Variants in FHIT observed in about 807,000 individuals in gnomAD.
FHIT encodes the protein fragile histidine triad diadenosine triphosphatase.
A neutral mutation model predicts 17.9 loss-of-function variants in FHIT; 19 were observed. The observed-to-expected ratio is 1.06, with a 90% CI of 0.74 to 1.56. The LOEUF is 1.56. FHIT is among the 40% of genes most tolerant of loss of function. The probability of loss-of-function intolerance (pLI) is 0.00; values close to 1 mark genes in which losing one functional copy is unlikely to be tolerated. For synonymous variants in FHIT, 81 were observed against 69.7 expected (o/e 1.16, Z -0.81); for missense variants, 248 against 189.2 (o/e 1.31, Z -1.82).
At chr3:60,719,436 G>A (rs745930546) in intron 4 of FHIT, among the ~76,000 whole-genome samples, 3 of 152,136 alleles carry the variant, frequency 2.0e-5, no homozygotes, top group East Asian at 1.9e-4. Flanking sequence ...TTAGCCTGCT[G>A]TATAACTCTC....
intron 8 of FHIT, among the ~76,000 whole-genome samples, chr3:59,792,315 A>G (rs1449417952): frequency 1.3e-5 from 2 of 152,196 alleles, no homozygotes; most frequent in Non-Finnish European, 2.9e-5. Flanking sequence ...AGATGATGCA[A>G]AATTTTGATT....
intron 5 of FHIT, among the ~76,000 whole-genome samples, chr3:60,312,598 G>T (rs1708996104): frequency 6.6e-6 from 1 of 152,152 alleles, no homozygotes; most frequent in African/African-American, 2.4e-5. Context: ...TGATTTAACA[G>T]TTCTGGTATG....
rs1043646313 is a variant in FHIT at position 60,481,877 on chromosome 3, T to A, written c.103+54983A>T. Among the ~76,000 whole-genome samples the A allele has an allele frequency of 3.9e-5, 6 of 152,268 alleles. No individual in the cohort carries two copies. The South Asian group carries it at 6.2e-4, about 16-fold the overall frequency. On this transcript the variant is annotated intron_variant, in intron 5 of 9. Coordinates refer to ENST00000492590, the MANE Select transcript of FHIT (RefSeq NM_002012.4). ...AATGCGCCAATTAAAAGACACAGACTGGCAAATTGGATAAAGAGTCAAGAC... is the reference window on the plus strand; with the variant it reads ...AATGCGCCAATTAAAAGACACAGACAGGCAAATTGGATAAAGAGTCAAGAC...
intron 8 of FHIT, among the ~76,000 whole-genome samples, chr3:59,779,715 C>T (rs1702486010): frequency 6.6e-6 from 1 of 152,180 alleles, no homozygotes; most frequent in South Asian, 2.1e-4. Context: ...CAGTGTCTCT[C>T]CCCATGGGAC....
rs139002435 is a variant in FHIT at position 60,267,924 on chromosome 3, A to T, written c.104-253772T>A. 9.8e-5 allele frequency among the ~76,000 whole-genome samples: 15 copies of T among 152,332 alleles called. 1 individual carries two copies. In the South Asian group the frequency reaches 2.1e-3, roughly 21 times the overall value. Reference sequence around the variant, plus strand: ...GCACACATATTTGAAGGACATTTTTAAAAGTGCTAAACTATAAATATTCTG... The same window carrying T: ...GCACACATATTTGAAGGACATTTTTTAAAGTGCTAAACTATAAATATTCTG... On this transcript the variant is annotated intron_variant, in intron 5 of 9. Coordinates refer to ENST00000492590, the MANE Select transcript of FHIT (RefSeq NM_002012.4).
At chr3:60,430,592 A>T (rs992174737) in intron 5 of FHIT, among the ~76,000 whole-genome samples, 5 of 151,792 alleles carry the variant, frequency 3.3e-5, no homozygotes, top group African/African-American at 1.2e-4. Context: ...TTATTCTCTT[A>T]TATCATTCTC....
intron 3 of FHIT, among the ~76,000 whole-genome samples, chr3:60,968,065 A>G (rs1242410161): frequency 2.0e-5 from 3 of 152,246 alleles, no homozygotes; most frequent in Non-Finnish European, 4.4e-5. Context: ...TTTTTAAAGG[A>G]AAGTGGCAAG....
At chr3:61,048,119 A>G (rs1329654800) in intron 2 of FHIT, among the ~76,000 whole-genome samples, 2 of 152,004 alleles carry the variant, frequency 1.3e-5, no homozygotes, top group Non-Finnish European at 2.9e-5. Flanking sequence ...GCCAAAATTG[A>G]CAAATGGGAT....
At chr3:60,869,734 C>G (rs1346967070) in intron 3 of FHIT, among the ~76,000 whole-genome samples, 3 of 152,238 alleles carry the variant, frequency 2.0e-5, no homozygotes, top group Non-Finnish European at 2.9e-5. Flanking sequence ...GACTCCACAG[C>G]CACCCCAGAA....
chr3:60,347,684 G>A lies in FHIT; in HGVS notation c.103+189176C>T, dbSNP rs866799775. On this transcript the variant is annotated intron_variant, in intron 5 of 9. Transcript: ENST00000492590. ...CAGATCACCACTGGTTTGGGGGGGG[G>A]GGGGGTTTGTTTTTTGTTTTGTTTT... 6.2e-4 allele frequency among the ~76,000 whole-genome samples: 86 copies of A among 139,306 alleles called. 3 individuals carry two copies. Among genetic ancestry groups the A allele is most frequent in the African/African-American group, 2.0e-3 (78 of 38,866 alleles). The allele number at this position is 139,306 out of a possible 152,430, so 91.4% of individuals were successfully genotyped here.
At chr3:61,013,374 T>C (rs748071085) in intron 3 of FHIT, among the ~76,000 whole-genome samples, 6 of 152,216 alleles carry the variant, frequency 3.9e-5, no homozygotes, top group Admixed American at 6.5e-5. Flanking sequence ...ATGATTCTAA[T>C]TATTTGCTTT....
rs1422161321 is a variant in FHIT at position 60,371,838 on chromosome 3, TG to T, written c.103+165021del. ...TTAACCTCATTTTAGCAGATTTTTG[TG>T]GGGTTTTTTTTTTTTTTTTAGCTCA... On this transcript the variant is annotated intron_variant, in intron 5 of 9. Transcript: ENST00000492590. 2.8e-3 allele frequency among the ~76,000 whole-genome samples: 190 copies of T among 69,038 alleles called. 1 individual carries two copies. The highest frequency in any genetic ancestry group is 0.024 in the Admixed American group (121 of 5,002). 45.3% of individuals were successfully genotyped at this position (69,038 alleles called of 152,430 possible).
At chr3:60,585,820 T>C (rs1273318705) in intron 4 of FHIT, among the ~76,000 whole-genome samples, 3 of 151,996 alleles carry the variant, frequency 2.0e-5, no homozygotes, top group Admixed American at 6.6e-5. Flanking sequence ...AACACTATTA[T>C]AGGCATTATT....
At chr3:60,720,340 C>G (rs1261935978) in intron 4 of FHIT, among the ~76,000 whole-genome samples, 2 of 152,166 alleles carry the variant, frequency 1.3e-5, no homozygotes, top group African/African-American at 4.8e-5. Flanking sequence ...GCCAAACACA[C>G]TGCCTGACCT....
At chr3:59,890,211 C>A (rs886732899) in intron 8 of FHIT, among the ~76,000 whole-genome samples, 2 of 151,862 alleles carry the variant, frequency 1.3e-5, no homozygotes, top group Non-Finnish European at 2.9e-5. Context: ...CTCTGGAGGC[C>A]TCTTTTGATC....
At chr3:60,248,012 G>A (rs549513714) in intron 5 of FHIT, among the ~76,000 whole-genome samples, 1 of 152,090 alleles carries the variant, frequency 6.6e-6, no homozygotes, top group Non-Finnish European at 1.5e-5. Context: ...GAATATGCAA[G>A]GTTTGGAATT....
chr3:61,229,619 C>G lies in FHIT; in HGVS notation c.-213+21682G>C, dbSNP rs536732515. Among the ~76,000 whole-genome samples the G allele has an allele frequency of 2.0e-5, 3 of 152,216 alleles. No homozygotes were observed. In the South Asian group the frequency reaches 6.2e-4, roughly 32 times the overall value. On this transcript the variant is annotated intron_variant, in intron 1 of 9. Coordinates refer to ENST00000492590, the MANE Select transcript of FHIT (RefSeq NM_002012.4). ...CAGGCCCTCATTAGGAAACTGGAGA[C>G]AATAGAAATACTCATCTCACAGGTC...
At chr3:59,754,439 A>T (rs1559573666) in intron 8 of FHIT, among the ~76,000 whole-genome samples, 2 of 152,222 alleles carry the variant, frequency 1.3e-5, no homozygotes, top group African/African-American at 4.8e-5. Flanking sequence ...CGGGATTGCT[A>T]TTCTTCTACT....
chr3:60,034,380 A>G (rs1229530467), intron 5 of FHIT, among the ~76,000 whole-genome samples: 1 of 152,236 alleles, frequency 6.6e-6, no homozygotes, highest in East Asian at 1.9e-4. Context: ...CCTTTCAAGT[A>G]GGAGACTAAA....
Sources: allele counts gnomAD v4.1 joint callset (sites outside exome capture counted in the v4.1 genomes callset), GRCh38; gene constraint gnomAD v4.1.1; transcripts MANE v1.5; gene names NCBI Gene and HGNC (gene_info 2026-07-23, HGNC 2026-07-21).